Variants in TOX2 observed in about 807,000 individuals in gnomAD.
TOX2 encodes TOX high mobility group box family member 2, also known as granulosa cell HMG box 1.
A neutral mutation model predicts 47.4 loss-of-function variants in TOX2; 15 were observed. That is an observed-to-expected ratio of 0.32 (90% confidence interval 0.21 to 0.49). The LOEUF is 0.49. Among genes scored for constraint, TOX2 ranks in the 20% least tolerant of loss-of-function variants. The pLI, the probability that TOX2 is intolerant of heterozygous loss-of-function variation, is 0.99. For synonymous variants in TOX2, 290 were observed against 296.6 expected (o/e 0.98, Z 0.23); for missense variants, 622 against 673.1 (o/e 0.92, Z 0.84).
intron 3 of TOX2, among the ~76,000 whole-genome samples, chr20:44,029,541 G>A (rs6073288): frequency 0.63 from 95,513 of 151,918 alleles, 30,589 homozygotes; most frequent in East Asian, 0.78. Context: ...CAGCAGCAGC[G>A]ACCTCACAGG....
intron 3 of TOX2, among the ~76,000 whole-genome samples, chr20:44,016,810 G>T (rs1020060628): frequency 4.6e-5 from 7 of 152,170 alleles, no homozygotes; most frequent in African/African-American, 1.7e-4. Flanking sequence ...GGATGCTCTG[G>T]GCTGGAACGA....
At chr20:43,954,657 G>A (rs890471671) in intron 1 of TOX2, among the ~76,000 whole-genome samples, 4 of 152,180 alleles carry the variant, frequency 2.6e-5, no homozygotes, top group African/African-American at 9.6e-5. Context: ...GAGGAGGAGT[G>A]CCAGTGATTT....
chr20:44,067,042 T>C (rs1453640085), intron 8 of TOX2, among the ~76,000 whole-genome samples, 185 bp downstream of exon 8: 4 of 152,190 alleles, frequency 2.6e-5, no homozygotes, highest in African/African-American at 9.7e-5. Context: ...AGGACTCTGC[T>C]GGCCTGATGC....
chr20:44,032,704 G>A (rs111612562), intron 3 of TOX2, among the ~76,000 whole-genome samples: 168 of 152,296 alleles, frequency 1.1e-3, no homozygotes, highest in African/African-American at 3.7e-3. Context: ...GGGGAGCACG[G>A]GGACTCCCCA....
chr20:44,040,427 C>A (rs1286872839), intron 3 of TOX2, among the ~76,000 whole-genome samples: 1 of 152,010 alleles, frequency 6.6e-6, no homozygotes, highest in Admixed American at 6.6e-5. Context: ...GGAGGGGAGG[C>A]AGCAGGCCCA....
intron 1 of TOX2, among the ~76,000 whole-genome samples, chr20:43,920,652 C>T (rs536975392): frequency 6.6e-6 from 1 of 152,308 alleles, no homozygotes; most frequent in East Asian, 1.9e-4. Context: ...ACCAGCAGCC[C>T]AAGCCTGGCA....
intron 3 of TOX2, among the ~76,000 whole-genome samples, chr20:44,008,945 G>A (rs1003506480): frequency 4.6e-5 from 7 of 152,260 alleles, no homozygotes; most frequent in African/African-American, 1.7e-4. Context: ...CTCTGGCAGA[G>A]AGGATGATGA....
intron 1 of TOX2, among the ~76,000 whole-genome samples, chr20:43,962,234 A>G (rs530826998): frequency 2.6e-5 from 4 of 152,244 alleles, no homozygotes; most frequent in Non-Finnish European, 5.9e-5. Flanking sequence ...CCTCCATGCT[A>G]TCTATGTTAG....
At chr20:43,963,722 G>T (rs769329925) in intron 1 of TOX2, among the ~76,000 whole-genome samples, 1 of 152,194 alleles carries the variant, frequency 6.6e-6, no homozygotes, top group Non-Finnish European at 1.5e-5. Context: ...GATATTTTAG[G>T]AACAAAGCAT....
intron 1 of TOX2, among the ~76,000 whole-genome samples, chr20:43,944,113 T>A (rs2145357659): frequency 6.6e-6 from 1 of 152,314 alleles, no homozygotes; most frequent in Non-Finnish European, 1.5e-5. Flanking sequence ...GCACCTCTCT[T>A]TTGCCTTGAG....
chr20:44,023,103 G>C (rs1400723033), intron 3 of TOX2, among the ~76,000 whole-genome samples: 1 of 151,584 alleles, frequency 6.6e-6, no homozygotes, highest in Non-Finnish European at 1.5e-5. Context: ...GGAAAGGGAA[G>C]AAAGAAGGAA....
rs997210627 is a variant in TOX2 at position 44,055,990 on chromosome 20, A to G, written c.879+1464A>G. 2.0e-5 allele frequency among the ~76,000 whole-genome samples: 3 copies of G among 152,236 alleles called. No individual in the cohort carries two copies. The South Asian group carries it at 6.2e-4, about 32-fold the overall frequency. ...CCCACCTCTGGTAGGGGAGTGGGGAAATGAGACAGGGAAAGGAGGGCAGCC... is the reference window on the plus strand; with the variant it reads ...CCCACCTCTGGTAGGGGAGTGGGGAGATGAGACAGGGAAAGGAGGGCAGCC... On this transcript the variant is annotated intron_variant, in intron 5 of 8. Transcript: ENST00000341197.
intron 3 of TOX2, among the ~76,000 whole-genome samples, chr20:44,012,690 T>A (rs1398212946): frequency 6.6e-6 from 1 of 152,172 alleles, no homozygotes; most frequent in East Asian, 1.9e-4. Context: ...TCAGCTCTGG[T>A]GAACTCACAA....
At chr20:43,990,490 G>A (rs958834187) in intron 2 of TOX2, among the ~76,000 whole-genome samples, 1 of 152,222 alleles carries the variant, frequency 6.6e-6, no homozygotes. Context: ...CCCATTTGTG[G>A]TGCCACCACC....
intron 3 of TOX2, among the ~76,000 whole-genome samples, chr20:44,022,697 TTCTG>T (rs775654217): frequency 6.6e-6 from 1 of 152,210 alleles, no homozygotes; most frequent in South Asian, 2.1e-4. Flanking sequence ...CTTCTCTCGG[TTCTG>T]TCTGTCACAC....
chr20:43,946,117 G>A, intron 1 of TOX2: 3 of 1,575,666 alleles, frequency 1.9e-6, no homozygotes, highest in Non-Finnish European at 1.7e-6. Context: ...GTGATGTCTG[G>A]ATGGGGGCAG....
chr20:44,062,027 T>C (rs936294530), intron 5 of TOX2, among the ~76,000 whole-genome samples: 3 of 151,764 alleles, frequency 2.0e-5, no homozygotes, highest in African/African-American at 7.3e-5. Context: ...TTACACTGAA[T>C]GGGGAAAAGT....
chr20:43,916,630 GGGA>G lies in TOX2; in HGVS notation c.99+1645_99+1647del, dbSNP rs1187734541. On this transcript the variant is annotated intron_variant, in intron 1 of 8. Transcript: ENST00000341197. The surrounding 1 kb of genome is among the most constrained non-coding windows in gnomAD (Gnocchi z 5.0). ...TTAAAAGTAGCAAGTGGAGTTTTCA[GGGA>G]GGAGAAGGTTGGGTGTGGGGGCAGC... is the stretch of plus-strand genomic sequence containing the variant. Among the ~76,000 whole-genome samples, 1 of 152,254 alleles carries G rather than the reference GGGA, an allele frequency of 6.6e-6. No individual in the cohort carries two copies. The highest frequency in any genetic ancestry group is 2.4e-5 in the African/African-American group (1 of 41,484).
intron 3 of TOX2, among the ~76,000 whole-genome samples, chr20:44,019,603 G>A (rs2070945290): frequency 6.6e-6 from 1 of 152,220 alleles, no homozygotes; most frequent in South Asian, 2.1e-4. Flanking sequence ...AAAAGGGAAG[G>A]AATATCAGGT....
Sources: gnomAD v4.1 joint callset for allele counts (sites outside exome capture counted in the v4.1 genomes callset) on GRCh38, gnomAD v4.1.1 for gene constraint, Gnocchi (gnomAD v3.1) non-coding constraint, MANE v1.5 for transcripts, NCBI Gene and HGNC (gene_info 2026-07-23, HGNC 2026-07-21) for gene names.